The following KCNK13 variants were observed in gnomAD, a reference collection of about 807,000 sequenced individuals.
KCNK13 encodes the protein potassium two pore domain channel subfamily K member 13.
Under a neutral mutation model 23.4 loss-of-function variants are expected in KCNK13, and 12 were observed. That is an observed-to-expected ratio of 0.51 (90% confidence interval 0.33 to 0.83). The LOEUF is 0.83. Among genes scored for constraint, KCNK13 ranks in the 40% least tolerant of loss-of-function variants. KCNK13 has a pLI of 0.02. For missense variants in KCNK13, 463 were observed against 556.3 expected (o/e 0.83, Z 1.69); for synonymous variants, 231 against 229.5 (o/e 1.01, Z -0.06).
intron 1 of KCNK13, among the ~76,000 whole-genome samples, chr14:90,082,780 G>A (rs1193120070): frequency 6.6e-6 from 1 of 152,140 alleles, no homozygotes; most frequent in Non-Finnish European, 1.5e-5. Flanking sequence ...AGTTTTCTGT[G>A]TGGACATATG....
chr14:90,126,642 C>A (rs1004197492), intron 1 of KCNK13, among the ~76,000 whole-genome samples: 3 of 152,114 alleles, frequency 2.0e-5, no homozygotes, highest in Non-Finnish European at 4.4e-5. Flanking sequence ...CTCCTGGGTT[C>A]AAGCGATTCT....
chr14:90,125,874 A>G (rs1889793743), intron 1 of KCNK13, among the ~76,000 whole-genome samples: 1 of 152,040 alleles, frequency 6.6e-6, no homozygotes, highest in Non-Finnish European at 1.5e-5. Context: ...AAATACAAAA[A>G]TTAGCTGGGC....
At chr14:90,125,599 GCACACACACACACACA>G (rs35452662) in intron 1 of KCNK13, among the ~76,000 whole-genome samples, 1 of 64,586 alleles carries the variant, frequency 1.5e-5, no homozygotes, top group Non-Finnish European at 3.2e-5. Context: ...ACACACACAC[GCACACACACACACACA>G]CACACACACA....
intron 1 of KCNK13, among the ~76,000 whole-genome samples, chr14:90,175,760 G>C (rs11850697): frequency 0.064 from 9,759 of 152,250 alleles, 1,032 homozygotes; most frequent in African/African-American, 0.22. Flanking sequence ...CCTGGGCTCA[G>C]CTGGCAGTTC....
intron 1 of KCNK13, among the ~76,000 whole-genome samples, chr14:90,116,059 C>T (rs1889673467): frequency 6.6e-6 from 1 of 152,042 alleles, no homozygotes; most frequent in African/African-American, 2.4e-5. Context: ...CTATGCCTGC[C>T]TGCCAAAAAA....
chr14:90,081,825 T>A (rs1016341914), intron 1 of KCNK13, among the ~76,000 whole-genome samples: 2 of 152,178 alleles, frequency 1.3e-5, no homozygotes, highest in Admixed American at 1.3e-4. Flanking sequence ...CTTGAAGGAA[T>A]GATGAGGACA....
intron 1 of KCNK13, among the ~76,000 whole-genome samples, chr14:90,089,638 A>G (rs1484706163): frequency 6.6e-6 from 1 of 152,234 alleles, no homozygotes; most frequent in East Asian, 1.9e-4. Flanking sequence ...CAATGGGGAA[A>G]ATATCTCCAG....
chr14:90,107,250 T>A (rs942562434), intron 1 of KCNK13, among the ~76,000 whole-genome samples: 5 of 151,986 alleles, frequency 3.3e-5, no homozygotes, highest in Middle Eastern at 3.2e-3. Context: ...GAGGCCAAGG[T>A]GGGCAGATCA....
intron 1 of KCNK13, among the ~76,000 whole-genome samples, chr14:90,113,166 C>G (rs1460868110): frequency 1.3e-5 from 2 of 152,104 alleles, no homozygotes; most frequent in Non-Finnish European, 2.9e-5. Context: ...GCAATCTTCT[C>G]TCCCCAGCCT....
chr14:90,093,959 G>A lies in KCNK13; in HGVS notation c.334+31420G>A, dbSNP rs955586780. 7.9e-5 allele frequency among the ~76,000 whole-genome samples: 12 copies of A among 152,276 alleles called. No individual in the cohort carries two copies. The South Asian group carries it at 2.1e-3, about 26-fold the overall frequency. ...GCCATATTGGGATTTGTTTTAATGG[G>A]ATTTGCAGGGGGTGCCATTTTCCAC... On this transcript the variant is annotated intron_variant, in intron 1 of 1. Coordinates refer to ENST00000282146, the MANE Select transcript of KCNK13 (RefSeq NM_022054.4).
intron 1 of KCNK13, among the ~76,000 whole-genome samples, chr14:90,132,539 G>A (rs1295176356): frequency 7.2e-6 from 1 of 138,222 alleles, no homozygotes; most frequent in Non-Finnish European, 1.5e-5. Context: ...GTGAGACTCT[G>A]TCTCAAAAAA....
chr14:90,067,825 T>C (rs1030615374), intron 1 of KCNK13, among the ~76,000 whole-genome samples: 2 of 152,220 alleles, frequency 1.3e-5, no homozygotes, highest in Non-Finnish European at 2.9e-5. Context: ...TCCCCGTGTT[T>C]GCTGGTATAT....
intron 1 of KCNK13, among the ~76,000 whole-genome samples, chr14:90,084,027 G>C (rs1889243026): frequency 6.6e-6 from 1 of 152,142 alleles, no homozygotes; most frequent in African/African-American, 2.4e-5. Context: ...CTATTCCATT[G>C]ACCTATCTGT....
At chr14:90,091,610 G>A (rs1278121723) in intron 1 of KCNK13, among the ~76,000 whole-genome samples, 1 of 152,084 alleles carries the variant, frequency 6.6e-6, no homozygotes, top group Non-Finnish European at 1.5e-5. Context: ...AACCTGGAAT[G>A]CAGAACACTG....
In KCNK13 at chr14:90,184,698, C is replaced by A. The variant is rs990117046; in HGVS notation, c.922C>A (p.Arg308=). The A allele has an allele frequency of 6.2e-7, 1 of 1,614,234 alleles. No homozygotes were observed. Among genetic ancestry groups the A allele is most frequent in the East Asian group, 2.2e-5 (1 of 44,876 alleles). ...CCPQCQRGLL[R]SRRNVVMPGS... is the part of the protein sequence containing the mutation. ...CCCGCAATGCCAGAGAGGACTCTTGCGATCACGCAGGAACGTGGTGATGCC... is the reference window on the plus strand; with the variant it reads ...CCCGCAATGCCAGAGAGGACTCTTGAGATCACGCAGGAACGTGGTGATGCC... The change falls in exon 2 of 2, where the codon CGA becomes AGA. Residue 308 remains arginine, a synonymous_variant. Coordinates refer to ENST00000282146, the MANE Select transcript of KCNK13 (RefSeq NM_022054.4). The surrounding 1 kb of genome is among the most constrained non-coding windows in gnomAD (Gnocchi z 5.6).
At chr14:90,155,317 T>G (rs1890181649) in intron 1 of KCNK13, among the ~76,000 whole-genome samples, 1 of 151,368 alleles carries the variant, frequency 6.6e-6, no homozygotes, top group Non-Finnish European at 1.5e-5. Flanking sequence ...AGAGACTGAG[T>G]GAACAGTGGA....
Position 90,184,019 on chromosome 14 carries a change from T to C in KCNK13, c.335-92T>C, listed in dbSNP as rs1890516245. On this transcript the variant is annotated intron_variant, in intron 1 of 1. Transcript: ENST00000282146. The surrounding 1 kb of genome is among the most constrained non-coding windows in gnomAD (Gnocchi z 5.6). ...GGCTGAGTGATTTTATGAAACTCTC[T>C]TTAGGTCCTTTGCCAGCCATCAAAG... The C allele has an allele frequency of 1.8e-6, 2 of 1,133,910 alleles. No individual in the cohort carries two copies. The highest frequency in any genetic ancestry group is 3.1e-5 in the African/African-American group (2 of 64,246). 70.2% of individuals were successfully genotyped at this position (1,133,910 alleles called of 1,614,324 possible). A position where few individuals can be genotyped will look rare whatever the true frequency, so the allele number is the denominator to read the frequency against.
chr14:90,065,166 A>G (rs1566945138), intron 1 of KCNK13, among the ~76,000 whole-genome samples: 1 of 152,244 alleles, frequency 6.6e-6, no homozygotes, highest in Non-Finnish European at 1.5e-5. Flanking sequence ...ATTATATTCT[A>G]TAAACCACTC....
Position 90,076,223 on chromosome 14 carries a change from A to G in KCNK13, c.334+13684A>G, listed in dbSNP as rs545597073. The stretch of plus-strand genomic sequence containing the variant: ...CATGTAGTAGGAAACTCCAATACCA[A>G]TGGTTTAAACACATAGAAATTTATT... On this transcript the variant is annotated intron_variant, in intron 1 of 1. Transcript: ENST00000282146. Among the ~76,000 whole-genome samples, 4 of 152,350 alleles carry G rather than the reference A, an allele frequency of 2.6e-5. No individual in the cohort carries two copies. In the East Asian group the frequency reaches 5.8e-4, roughly 22 times the overall value.
Sources: allele counts gnomAD v4.1 joint callset (sites outside exome capture counted in the v4.1 genomes callset), GRCh38; gene constraint gnomAD v4.1.1; non-coding constraint Gnocchi (gnomAD v3.1); transcripts MANE v1.5; gene names NCBI Gene and HGNC (gene_info 2026-07-23, HGNC 2026-07-21).